Variants in MGAT4C observed in about 807,000 individuals in gnomAD.
MGAT4C encodes alpha-1,3-mannosyl-glycoprotein 4-beta-N-acetylglucosaminyltransferase C.
Under a neutral mutation model 40.1 loss-of-function variants are expected in MGAT4C, and 19 were observed. That is an observed-to-expected ratio of 0.47 (90% confidence interval 0.33 to 0.70). The LOEUF (loss-of-function observed/expected upper bound fraction) is 0.70, where lower values mean the gene tolerates loss of function less well. Among genes scored for constraint, MGAT4C ranks in the 30% least tolerant of loss-of-function variants. The probability of loss-of-function intolerance (pLI) is 0.02; values close to 1 mark genes in which losing one functional copy is unlikely to be tolerated. For missense variants in MGAT4C, 491 were observed against 563.2 expected (o/e 0.87, Z 1.30); for synonymous variants, 181 against 187.1 (o/e 0.97, Z 0.27).
chr12:86,380,975 A>T (rs1215816717), intron 3 of MGAT4C, among the ~76,000 whole-genome samples: 1 of 152,212 alleles, frequency 6.6e-6, no homozygotes, highest in East Asian at 1.9e-4. Flanking sequence ...TCATAGGCCA[A>T]TTTATACAAT....
intron 3 of MGAT4C, among the ~76,000 whole-genome samples, chr12:86,423,677 A>C (rs1956874435): frequency 6.6e-6 from 1 of 152,146 alleles, no homozygotes; most frequent in Admixed American, 6.5e-5. Flanking sequence ...GAAAATGAAA[A>C]CCAGAAAAGT....
chr12:86,178,405 C>T (rs1346484320), intron 1 of MGAT4C, among the ~76,000 whole-genome samples: 1 of 152,196 alleles, frequency 6.6e-6, no homozygotes, highest in Non-Finnish European at 1.5e-5. Context: ...TGACCGAGGG[C>T]ATGGATGTTC....
chr12:86,166,301 C>A (rs557267620), intron 1 of MGAT4C, among the ~76,000 whole-genome samples: 1 of 152,082 alleles, frequency 6.6e-6, no homozygotes, highest in African/African-American at 2.4e-5. Context: ...GTAGAATTTC[C>A]AAGGTTGAAT....
chr12:86,761,636 C>G (rs1161869614), intron 1 of MGAT4C, among the ~76,000 whole-genome samples: 1 of 152,080 alleles, frequency 6.6e-6, no homozygotes, highest in African/African-American at 2.4e-5. Context: ...AAGGCTGGTT[C>G]CTTTCGGATG....
intron 1 of MGAT4C, among the ~76,000 whole-genome samples, chr12:86,776,391 T>C (rs10858479): frequency 0.32 from 48,630 of 151,836 alleles, 9,591 homozygotes; most frequent in Admixed American, 0.46. Flanking sequence ...GGCTTAAATT[T>C]GTATAAATGT....
intron 4 of MGAT4C, among the ~76,000 whole-genome samples, 158 bp downstream of exon 4, chr12:85,983,365 T>C (rs557643500): frequency 1.3e-5 from 2 of 152,322 alleles, no homozygotes; most frequent in Non-Finnish European, 2.9e-5. Context: ...TCAGTGAGTA[T>C]AGTAGTTGGC....
intron 2 of MGAT4C, among the ~76,000 whole-genome samples, chr12:86,714,380 G>A (rs1393015754): frequency 6.6e-6 from 1 of 152,042 alleles, no homozygotes; most frequent in East Asian, 1.9e-4. Flanking sequence ...GGCAGAGAAT[G>A]ATATTGTTTG....
intron 4 of MGAT4C, among the ~76,000 whole-genome samples, chr12:86,312,493 A>G (rs1006290107): frequency 6.6e-6 from 1 of 152,198 alleles, no homozygotes; most frequent in African/African-American, 2.4e-5. Context: ...TTGCTAAGTG[A>G]TGACCTTGGG....
chr12:86,420,836 C>T (rs1480417150), intron 3 of MGAT4C, among the ~76,000 whole-genome samples: 2 of 147,412 alleles, frequency 1.4e-5, no homozygotes, highest in African/African-American at 5.0e-5. Context: ...TGTATACATA[C>T]ACACATATGT....
chr12:86,394,841 C>T (rs1249660447), intron 3 of MGAT4C, among the ~76,000 whole-genome samples: 1 of 151,586 alleles, frequency 6.6e-6, no homozygotes, highest in Non-Finnish European at 1.5e-5. Context: ...GTCCTGAACT[C>T]CTGACCTCAG....
At chr12:86,449,621 C>A (rs1485738607) in intron 2 of MGAT4C, among the ~76,000 whole-genome samples, 1 of 152,122 alleles carries the variant, frequency 6.6e-6, no homozygotes, top group Non-Finnish European at 1.5e-5. Flanking sequence ...TCACTTCTGT[C>A]ACCATAAAAT....
At chr12:86,356,772 G>A (rs1317133519) in intron 3 of MGAT4C, among the ~76,000 whole-genome samples, 1 of 83,994 alleles carries the variant, frequency 1.2e-5, no homozygotes, top group Admixed American at 1.2e-4. Context: ...TGAGGCTGGG[G>A]GAGAGGGGTT....
intron 1 of MGAT4C, among the ~76,000 whole-genome samples, chr12:86,093,502 G>T (rs1336301751): frequency 6.6e-6 from 1 of 152,064 alleles, no homozygotes; most frequent in African/African-American, 2.4e-5. Flanking sequence ...GCCGAGGCAG[G>T]TGGATCACCT....
intron 1 of MGAT4C, among the ~76,000 whole-genome samples, chr12:86,732,310 A>AT (rs1310149295): frequency 1.3e-5 from 2 of 152,068 alleles, no homozygotes; most frequent in Non-Finnish European, 2.9e-5. Flanking sequence ...GTGGAAAACA[A>AT]TTTTTTCACA....
At chr12:86,212,417 A>G (rs1301379126) in intron 1 of MGAT4C, among the ~76,000 whole-genome samples, 1 of 152,186 alleles carries the variant, frequency 6.6e-6, no homozygotes, top group African/African-American at 2.4e-5. Context: ...TAGGAATGTC[A>G]CAAAAGTATG....
At chr12:86,768,660 C>T (rs1026032917) in intron 1 of MGAT4C, among the ~76,000 whole-genome samples, 1 of 151,832 alleles carries the variant, frequency 6.6e-6, no homozygotes, top group African/African-American at 2.4e-5. Flanking sequence ...GTACTGGTAC[C>T]AAAACAGAGA....
intron 2 of MGAT4C, among the ~76,000 whole-genome samples, chr12:86,575,470 G>A (rs2136426949): frequency 6.6e-6 from 1 of 151,904 alleles, no homozygotes; most frequent in South Asian, 2.1e-4. Context: ...TGTGATATTT[G>A]TCATTCTGTG....
intron 2 of MGAT4C, among the ~76,000 whole-genome samples, chr12:86,603,401 TTA>T (rs1157933638): frequency 4.1e-5 from 5 of 122,840 alleles, no homozygotes; most frequent in Admixed American, 3.6e-4. Flanking sequence ...ATAATATATA[TTA>T]TATATTAGTA....
intron 2 of MGAT4C, chr12:86,015,948 A>T (rs1565862946): frequency 6.6e-6 from 1 of 152,172 alleles, no homozygotes; most frequent in South Asian, 2.1e-4. Flanking sequence ...TTGCTTTCTC[A>T]TGCACAGCAC....
Sources: allele counts gnomAD v4.1 joint callset (sites outside exome capture counted in the v4.1 genomes callset), GRCh38; gene constraint gnomAD v4.1.1; transcripts MANE v1.5; gene names NCBI Gene and HGNC (gene_info 2026-07-23, HGNC 2026-07-21).